Variants in ARHGAP5 observed in about 807,000 individuals in gnomAD.
ARHGAP5 encodes the protein rho GTPase-activating protein 5.
In ARHGAP5, 23 loss-of-function variants were observed where a neutral mutation model predicts 116.6. The observed-to-expected ratio is 0.20, with a 90% CI of 0.14 to 0.28. The LOEUF is 0.28. Ranked by LOEUF, ARHGAP5 falls within the 10% of genes least tolerant of loss-of-function variation. The probability of loss-of-function intolerance (pLI) is 1.00; values close to 1 mark genes in which losing one functional copy is unlikely to be tolerated. For missense variants in ARHGAP5, 1,405 were observed against 1,774.8 expected, an observed-to-expected ratio of 0.79 and a Z score of 3.74; for synonymous variants, 574 against 602.0, an observed-to-expected ratio of 0.95 and a Z score of 0.68.
At chr14:32,134,837 C>T (rs1389241500) in intron 3 of ARHGAP5, among the ~76,000 whole-genome samples, 1 of 152,130 alleles carries the variant, frequency 6.6e-6, no homozygotes, top group East Asian at 1.9e-4. Context: ...CTGTTGATGT[C>T]ATTTATGCAT....
intron 3 of ARHGAP5, among the ~76,000 whole-genome samples, chr14:32,143,298 A>G (rs1881222779): frequency 6.6e-6 from 1 of 151,950 alleles, no homozygotes; most frequent in African/African-American, 2.4e-5. Flanking sequence ...GCTGGAGTGC[A>G]GTGGTGTGAT....
chr14:32,140,085 AG>A (rs1566681632), intron 3 of ARHGAP5, among the ~76,000 whole-genome samples: 12 of 31,528 alleles, frequency 3.8e-4, no homozygotes, highest in South Asian at 1.2e-3. Flanking sequence ...TTTTTTTTTT[AG>A]GTTATTTGTT....
chr14:32,149,896 T>C lies in ARHGAP5; in HGVS notation c.3944-6T>C. On this transcript the variant is annotated splice_polypyrimidine_tract_variant and splice_region_variant and intron_variant, in intron 4 of 6. Transcript: ENST00000345122. ...ATAATTTAAAATGTTAATTTTTGTC[T>C]TGTAGATCATAATATCAATCTAGTG... 1 of 1,464,070 alleles carries C rather than the reference T, an allele frequency of 6.8e-7. No homozygotes were observed. The highest frequency in any genetic ancestry group is 1.4e-5 in the South Asian group (1 of 71,288). The allele number at this position is 1,464,070 out of a possible 1,614,324, so 90.7% of individuals were successfully genotyped here. A position where few individuals can be genotyped will look rare whatever the true frequency, so the allele number is the denominator to read the frequency against.
intron 5 of ARHGAP5, 107 bp downstream of exon 5, chr14:32,150,140 T>C: frequency 1.1e-6 from 1 of 896,654 alleles, no homozygotes; most frequent in Non-Finnish European, 1.5e-6. Flanking sequence ...CTAATAAAAA[T>C]TAACTTAACT....
At chr14:32,079,259 A>G (rs1306470443) in intron 1 of ARHGAP5, among the ~76,000 whole-genome samples, 2 of 152,190 alleles carry the variant, frequency 1.3e-5, no homozygotes, top group Non-Finnish European at 2.9e-5. Context: ...CTAGATCAAC[A>G]TGTCTTATTT....
intron 2 of ARHGAP5, among the ~76,000 whole-genome samples, chr14:32,096,788 A>C (rs989635243): frequency 6.6e-6 from 1 of 152,236 alleles, no homozygotes; most frequent in Non-Finnish European, 1.5e-5. Context: ...ATACATTCTT[A>C]GGTTTATTCT....
rs981464454 is a variant in ARHGAP5, at chr14:32,157,211, A to T, written c.*2263A>T. The stretch of plus-strand genomic sequence containing the variant: ...TTATTGAAAATTAAAGTACAGTTTA[A>T]AGCTCAGTCTGTTACACTGAATTGA... On this transcript the variant is annotated 3_prime_UTR_variant, in exon 7 of 7. Coordinates refer to ENST00000345122, the MANE Select transcript of ARHGAP5 (RefSeq NM_001030055.2). 6.6e-6 allele frequency: 1 copy of T among 151,192 alleles called. No homozygotes were observed. The highest frequency in any genetic ancestry group is 2.4e-5 in the African/African-American group (1 of 41,380). 9.4% of individuals were successfully genotyped at this position (151,192 alleles called of 1,614,324 possible). A position where few individuals can be genotyped will look rare whatever the true frequency, so the allele number is the denominator to read the frequency against.
chr14:32,137,430 A>G (rs1880863743), intron 3 of ARHGAP5, among the ~76,000 whole-genome samples: 2 of 151,732 alleles, frequency 1.3e-5, no homozygotes, highest in Admixed American at 1.3e-4. Context: ...TGATCTGTAT[A>G]TTATACTTTT....
chr14:32,102,451 A>C (rs1467737262), intron 2 of ARHGAP5, among the ~76,000 whole-genome samples: 1 of 152,206 alleles, frequency 6.6e-6, no homozygotes, highest in African/African-American at 2.4e-5. Context: ...CATAGTGATG[A>C]GCCCCGAAGG....
chr14:32,140,094 G>GTTTTTTTTTTTTTTTTTTTTTTTTTTTT (rs1566681674), intron 3 of ARHGAP5, among the ~76,000 whole-genome samples: 2 of 32,450 alleles, frequency 6.2e-5, no homozygotes, highest in Non-Finnish European at 1.1e-4. Flanking sequence ...TAGGTTATTT[G>GTTTTTTTTTTTTTTTTTTTTTTTTTTTT]TTCTTTTTTT....
chr14:32,077,482 C>A (rs1252502191), intron 1 of ARHGAP5, 47 bp downstream of exon 1: 1 of 682,374 alleles, frequency 1.5e-6, no homozygotes. Flanking sequence ...TGCCCCCTCC[C>A]GGACGGGGAC....
chr14:32,113,001 A>G (rs188147484), intron 2 of ARHGAP5, among the ~76,000 whole-genome samples: 1 of 152,318 alleles, frequency 6.6e-6, no homozygotes, highest in African/African-American at 2.4e-5. Context: ...CCATGCTACT[A>G]ATTTTTCTCT....
chr14:32,135,320 T>A (rs1880732358), intron 3 of ARHGAP5, among the ~76,000 whole-genome samples: 1 of 152,236 alleles, frequency 6.6e-6, no homozygotes, highest in African/African-American at 2.4e-5. Context: ...AAGCAACTCA[T>A]CTATTGGGCC....
In ARHGAP5 at chr14:32,119,371, C is replaced by T. The variant is rs79415999; in HGVS notation, c.3865+2084C>T. On this transcript the variant is annotated intron_variant, in intron 3 of 6. Coordinates refer to ENST00000345122, the MANE Select transcript of ARHGAP5 (RefSeq NM_001030055.2). ...CCTTAGATGTAGTGATATAAATGAT[C>T]AGTAATTGTGTTGTTATAATCAGTC... Among the ~76,000 whole-genome samples, 33 of 152,132 alleles carry T rather than the reference C, an allele frequency of 2.2e-4. 1 individual carries two copies. Among genetic ancestry groups the T allele is most frequent in the South Asian group, 4.2e-4 (2 of 4,804 alleles).
intron 2 of ARHGAP5, among the ~76,000 whole-genome samples, chr14:32,112,669 G>C (rs958819496): frequency 6.6e-6 from 1 of 152,104 alleles, no homozygotes; most frequent in Non-Finnish European, 1.5e-5. Flanking sequence ...TCAGGAGATC[G>C]AGACCATCCT....
intron 2 of ARHGAP5, among the ~76,000 whole-genome samples, chr14:32,100,960 CTATTT>C (rs1000575526): frequency 2.0e-5 from 3 of 152,160 alleles, no homozygotes; most frequent in East Asian, 3.9e-4. Flanking sequence ...TCTTCAGTAT[CTATTT>C]TGTCTATTTT....
intron 3 of ARHGAP5, among the ~76,000 whole-genome samples, chr14:32,128,607 T>A (rs1255380613): frequency 2.0e-5 from 3 of 152,238 alleles, no homozygotes; most frequent in Non-Finnish European, 4.4e-5. Context: ...GCTGCCTCCC[T>A]GGGCTCGCCG....
At chr14:32,077,632 G>GGGATACGTTC (rs545874691) in intron 1 of ARHGAP5, among the ~76,000 whole-genome samples, 197 bp downstream of exon 1, 102 of 152,268 alleles carry the variant, frequency 6.7e-4, no homozygotes, top group Non-Finnish European at 1.1e-3. Flanking sequence ...TGCAGCGTTA[G>GGGATACGTTC]GGATACGTTC....
Position 32,095,316 on chromosome 14 carries a change from G to A in ARHGAP5, c.3717+930G>A, listed in dbSNP as rs184109610. 1.2e-4 allele frequency among the ~76,000 whole-genome samples: 18 copies of A among 151,740 alleles called. No homozygotes were observed. In the East Asian group the frequency reaches 3.5e-3, roughly 29 times the overall value. On this transcript the variant is annotated intron_variant, in intron 2 of 6. Transcript: ENST00000345122. ...AGTAACTGCCCATTATAGTTGAATA[G>A]AATCTGCTTTATTTTCTAAGTTTAA...
Sources: gnomAD v4.1 joint callset for allele counts (sites outside exome capture counted in the v4.1 genomes callset) on GRCh38, gnomAD v4.1.1 for gene constraint, MANE v1.5 for transcripts, NCBI Gene and HGNC (gene_info 2026-07-23, HGNC 2026-07-21) for gene names.